ARHGAP26: variants seen among roughly 807,000 people sequenced by gnomAD.
ARHGAP26 encodes Rho GTPase activating protein 26, also known as rho GTPase-activating protein 26.
A neutral mutation model predicts 104.8 loss-of-function variants in ARHGAP26; 38 were observed. The observed-to-expected ratio is 0.36, with a 90% CI of 0.28 to 0.48. The LOEUF is 0.48. ARHGAP26 is among the 20% of genes least tolerant of loss of function. The pLI, the probability that ARHGAP26 is intolerant of heterozygous loss-of-function variation, is 0.99. For missense variants in ARHGAP26, 704 were observed against 947.9 expected (o/e 0.74, Z 3.38); for synonymous variants, 341 against 340.0 (o/e 1.00, Z -0.03).
chr5:142,806,473 ATG>A (rs34179083), intron 1 of ARHGAP26, among the ~76,000 whole-genome samples: 104,695 of 147,562 alleles, frequency 0.71, 38,660 homozygotes, highest in Non-Finnish European at 0.83. Context: ...AGGCAATGAA[ATG>A]TGTGTGTGTG....
At chr5:143,018,314 T>A (rs1779865740) in intron 12 of ARHGAP26, among the ~76,000 whole-genome samples, 2 of 152,250 alleles carry the variant, frequency 1.3e-5, no homozygotes, top group African/African-American at 2.4e-5. Context: ...GTGGTATCCT[T>A]CTTTGACTAT....
At chr5:142,776,928 T>C (rs1210106444) in intron 1 of ARHGAP26, among the ~76,000 whole-genome samples, 1 of 152,218 alleles carries the variant, frequency 6.6e-6, no homozygotes, top group African/African-American at 2.4e-5. Context: ...CCAATACTTG[T>C]TGTTGTCTTT....
At chr5:143,032,714 C>T (rs1263869095) in intron 12 of ARHGAP26, among the ~76,000 whole-genome samples, 2 of 152,190 alleles carry the variant, frequency 1.3e-5, no homozygotes, top group Admixed American at 6.5e-5. Flanking sequence ...GCACTGTAGT[C>T]CCTATCACAT....
chr5:142,990,840 G>T (rs947835452), intron 11 of ARHGAP26, among the ~76,000 whole-genome samples: 1 of 152,112 alleles, frequency 6.6e-6, no homozygotes, highest in Non-Finnish European at 1.5e-5. Context: ...TCTCAGAGGG[G>T]CATCTGGCTG....
intron 20 of ARHGAP26, among the ~76,000 whole-genome samples, chr5:143,202,028 A>C (rs1465432155): frequency 2.6e-5 from 4 of 152,176 alleles, no homozygotes; most frequent in Non-Finnish European, 5.9e-5. Flanking sequence ...AAAGTCTCCC[A>C]CTATTATTGT....
chr5:143,040,714 A>G (rs1783334167), intron 13 of ARHGAP26, among the ~76,000 whole-genome samples: 1 of 152,244 alleles, frequency 6.6e-6, no homozygotes, highest in Non-Finnish European at 1.5e-5. Context: ...GAATGATGAA[A>G]AGCTCTGGGA....
At chr5:143,149,370 C>A (rs1478301655) in intron 20 of ARHGAP26, among the ~76,000 whole-genome samples, 1 of 152,106 alleles carries the variant, frequency 6.6e-6, no homozygotes, top group African/African-American at 2.4e-5. Flanking sequence ...AGAAGCAGTA[C>A]CAGCATCAGC....
intron 22 of ARHGAP26, among the ~76,000 whole-genome samples, chr5:143,217,804 G>A (rs1468301895): frequency 3.3e-5 from 5 of 152,168 alleles, no homozygotes; most frequent in Non-Finnish European, 7.3e-5. Context: ...CTTGTCACTG[G>A]CTTCCACTCT....
intron 17 of ARHGAP26, among the ~76,000 whole-genome samples, chr5:143,114,613 G>A (rs761250153): frequency 2.3e-4 from 35 of 152,142 alleles, no homozygotes; most frequent in South Asian, 8.3e-4. Flanking sequence ...AGAGAGAAGG[G>A]TGATATTGAC....
intron 20 of ARHGAP26, among the ~76,000 whole-genome samples, chr5:143,206,722 C>T (rs954472215): frequency 6.6e-6 from 1 of 152,182 alleles, no homozygotes. Context: ...AAAATGCAAA[C>T]AGGAGATTAT....
chr5:142,917,953 A>G (rs1463055678), intron 10 of ARHGAP26, among the ~76,000 whole-genome samples: 1 of 152,082 alleles, frequency 6.6e-6, no homozygotes, highest in Non-Finnish European at 1.5e-5. Flanking sequence ...TTGTATCACA[A>G]TACATTGCTG....
At position 143,226,485 on chromosome 5, in the gene ARHGAP26, G is replaced by GAAAAA. The variant is rs57822966; in HGVS notation, c.*4056_*4060dup. On this transcript the variant is annotated 3_prime_UTR_variant, in exon 23 of 23. Transcript: ENST00000645722. ...GACAGAGCCAGACTCCGTCTCAAAG[G>GAAAAA]AAAAAAAAAAAAAAAAAAAAAGAAT... 1 of 138,368 alleles carries GAAAAA rather than the reference G, an allele frequency of 7.2e-6. No homozygotes were observed. The allele number at this position is 138,368 out of a possible 1,614,324, so 8.6% of individuals were successfully genotyped here. A position where few individuals can be genotyped will look rare whatever the true frequency, so the allele number is the denominator to read the frequency against.
At chr5:143,007,038 C>A (rs79934145) in intron 11 of ARHGAP26, among the ~76,000 whole-genome samples, 4 of 151,838 alleles carry the variant, frequency 2.6e-5, no homozygotes, top group African/African-American at 9.7e-5. Flanking sequence ...GGTGAAACCC[C>A]ATCTCTACTA....
intron 20 of ARHGAP26, among the ~76,000 whole-genome samples, chr5:143,183,414 G>A (rs539927869): frequency 6.6e-6 from 1 of 152,252 alleles, no homozygotes; most frequent in African/African-American, 2.4e-5. Context: ...CTGGTAATAA[G>A]CCTTCAGTAA....
At chr5:142,785,661 C>A (rs151204802) in intron 1 of ARHGAP26, among the ~76,000 whole-genome samples, 45 of 152,288 alleles carry the variant, frequency 3.0e-4, no homozygotes, top group Non-Finnish European at 6.0e-4. Flanking sequence ...TCAGCTTTAA[C>A]CATTTTAGGG....
chr5:142,966,984 C>T (rs945899711), intron 11 of ARHGAP26, among the ~76,000 whole-genome samples: 1 of 152,106 alleles, frequency 6.6e-6, no homozygotes, highest in Non-Finnish European at 1.5e-5. Flanking sequence ...TATCATAACT[C>T]TTTGTGTGTA....
intron 11 of ARHGAP26, among the ~76,000 whole-genome samples, chr5:142,979,178 T>C (rs926622284): frequency 6.6e-5 from 10 of 152,228 alleles, no homozygotes; most frequent in Non-Finnish European, 1.5e-4. Context: ...AAAAACGTTA[T>C]TAGCTTAAAG....
At chr5:143,113,293 G>A (rs1338611758) in intron 17 of ARHGAP26, among the ~76,000 whole-genome samples, 8 of 152,124 alleles carry the variant, frequency 5.3e-5, no homozygotes, top group Admixed American at 1.3e-4. Flanking sequence ...GGTTAAAGTG[G>A]ACCTAAGTAA....
chr5:142,846,647 T>C (rs1342637998), intron 1 of ARHGAP26, among the ~76,000 whole-genome samples: 1 of 152,164 alleles, frequency 6.6e-6, no homozygotes, highest in Non-Finnish European at 1.5e-5. Flanking sequence ...GAATGAAGAC[T>C]GCATCTCATA....
Sources: allele counts gnomAD v4.1 joint callset (sites outside exome capture counted in the v4.1 genomes callset), GRCh38; gene constraint gnomAD v4.1.1; transcripts MANE v1.5; gene names NCBI Gene and HGNC (gene_info 2026-07-23, HGNC 2026-07-21).